The following CEP15 variants were observed in gnomAD, a reference collection of about 807,000 sequenced individuals.
The protein encoded by CEP15 is centrosomal protein 15 kDa.
At chr3:62,333,654 C>T in the CEP15 span, 1 of 263,650 alleles carries the variant, frequency 3.8e-6, no homozygotes, top group East Asian at 9.1e-5. This position sits in a 1 kb window ranked among gnomAD's most constrained non-coding sequence, Gnocchi z 4.0. Flanking sequence ...AAATTATTGT[C>T]AGTGTTGTGA....
At chr3:62,327,072 C>A in the CEP15 span, among the ~76,000 whole-genome samples, 10 of 152,152 alleles carry the variant, frequency 6.6e-5, no homozygotes, top group Non-Finnish European at 1.5e-4. Context: ...TATCCCCTGA[C>A]CTTTTCATCC....
At chr3:62,331,451 G>T in the CEP15 span, 2 of 1,379,166 alleles carry the variant, frequency 1.5e-6, no homozygotes, top group Non-Finnish European at 2.1e-6. Flanking sequence ...CTATCTATCA[G>T]TAGTGCACTA....
the CEP15 span, among the ~76,000 whole-genome samples, chr3:62,324,549 G>A: frequency 6.6e-6 from 1 of 152,144 alleles, no homozygotes; most frequent in African/African-American, 2.4e-5. Context: ...AGATAGAGGT[G>A]GACCTGCTTT....
At chr3:62,331,317 T>G in the CEP15 span, 4 of 1,612,162 alleles carry the variant, frequency 2.5e-6, no homozygotes, top group Non-Finnish European at 3.4e-6. Flanking sequence ...TGCCGATATC[T>G]GTTACAGGAT....
chr3:62,326,320 A>G, the CEP15 span, among the ~76,000 whole-genome samples: 1 of 152,202 alleles, frequency 6.6e-6, no homozygotes, highest in Admixed American at 6.5e-5. Context: ...AAATGCTTAC[A>G]TTGTACCAAT....
the CEP15 span, chr3:62,333,525 G>T: frequency 1.0e-6 from 1 of 999,744 alleles, no homozygotes; most frequent in South Asian, 1.8e-5. This position sits in a 1 kb window ranked among gnomAD's most constrained non-coding sequence, Gnocchi z 4.0. Flanking sequence ...GAAGATATGA[G>T]AATTTACTGG....
At chr3:62,334,708 GAGGA>G in the CEP15 span, 6 of 152,078 alleles carry the variant, frequency 3.9e-5, no homozygotes, top group Admixed American at 2.0e-4. The surrounding 1 kb of genome is among the most constrained non-coding windows in gnomAD (Gnocchi z 4.9). Flanking sequence ...AAAGAAGACA[GAGGA>G]AGGAAGAAAA....
At chr3:62,322,137 A>G in the CEP15 span, 6 of 1,399,892 alleles carry the variant, frequency 4.3e-6, no homozygotes, top group Non-Finnish European at 4.9e-6. The surrounding 1 kb of genome is among the most constrained non-coding windows in gnomAD (Gnocchi z 5.5). Flanking sequence ...TGATTTATAT[A>G]ACTTATTGGT....
chr3:62,319,911 G>C, the CEP15 span: 1 of 152,334 alleles, frequency 6.6e-6, no homozygotes, highest in Non-Finnish European at 1.5e-5. Context: ...TTAGCAGCCA[G>C]GGGAAGGGGA....
the CEP15 span, chr3:62,321,895 T>G: frequency 6.6e-7 from 1 of 1,511,114 alleles, no homozygotes; most frequent in Non-Finnish European, 8.9e-7. This position sits in a 1 kb window ranked among gnomAD's most constrained non-coding sequence, Gnocchi z 4.1. Flanking sequence ...TGCTTTTACT[T>G]TTTTAACTCT....
the CEP15 span, chr3:62,333,345 C>A: frequency 6.2e-7 from 1 of 1,611,372 alleles, no homozygotes; most frequent in Non-Finnish European, 8.5e-7. This position sits in a 1 kb window ranked among gnomAD's most constrained non-coding sequence, Gnocchi z 4.0. Context: ...TGTTGAAAAT[C>A]AAAATGAAGC....
At chr3:62,335,484 A>G in the CEP15 span, 2 of 151,098 alleles carry the variant, frequency 1.3e-5, no homozygotes, top group African/African-American at 4.9e-5. Context: ...AAATTCCCAT[A>G]GGGACCTGGA....
At chr3:62,328,369 A>G in the CEP15 span, among the ~76,000 whole-genome samples, 1 of 152,124 alleles carries the variant, frequency 6.6e-6, no homozygotes, top group Non-Finnish European at 1.5e-5. Context: ...TAATTTTTAC[A>G]ATTTCTTTTT....
the CEP15 span, chr3:62,319,050 G>C: frequency 1.3e-5 from 2 of 152,340 alleles, no homozygotes; most frequent in African/African-American, 4.8e-5. Flanking sequence ...CTCAGAGGCG[G>C]GCTCGGTGAG....
the CEP15 span, chr3:62,322,129 A>C: frequency 2.1e-6 from 3 of 1,454,720 alleles, no homozygotes; most frequent in Non-Finnish European, 2.8e-6. The surrounding 1 kb of genome is among the most constrained non-coding windows in gnomAD (Gnocchi z 5.5). Flanking sequence ...CATAAAATTG[A>C]TTTATATAAC....
chr3:62,320,352 T>C, the CEP15 span: 1 of 723,672 alleles, frequency 1.4e-6, no homozygotes, highest in Non-Finnish European at 2.2e-6. Flanking sequence ...TAAGTTTTCT[T>C]TTCTCTTCTG....
the CEP15 span, chr3:62,333,464 C>A: frequency 6.7e-7 from 1 of 1,485,504 alleles, no homozygotes. The surrounding 1 kb of genome is among the most constrained non-coding windows in gnomAD (Gnocchi z 4.0). Flanking sequence ...ATTGCAGGAA[C>A]TTTAGGAATT....
At chr3:62,323,810 A>T in the CEP15 span, 5 of 152,198 alleles carry the variant, frequency 3.3e-5, no homozygotes, top group African/African-American at 9.7e-5. Flanking sequence ...AAAATTTTTT[A>T]AAGTGTAAAG....
At chr3:62,325,894 C>T in the CEP15 span, among the ~76,000 whole-genome samples, 9 of 151,912 alleles carry the variant, frequency 5.9e-5, no homozygotes, top group East Asian at 7.8e-4. Context: ...TGTGGTGGTG[C>T]GCGCCTGTAG....
Sources: gnomAD v4.1 joint callset for allele counts (sites outside exome capture counted in the v4.1 genomes callset) on GRCh38, gnomAD v4.1.1 for gene constraint, Gnocchi (gnomAD v3.1) non-coding constraint, MANE v1.5 for transcripts, NCBI Gene and HGNC (gene_info 2026-07-23, HGNC 2026-07-21) for gene names.